Variants in ATXN3 observed in about 807,000 individuals in gnomAD.
ATXN3 encodes the protein ataxin 3, also known as ataxin-3.
In ATXN3, 28 loss-of-function variants were observed where a neutral mutation model predicts 58.2. That is an observed-to-expected ratio of 0.48 (90% CI 0.36 to 0.66). The LOEUF is 0.66. Ranked by LOEUF, ATXN3 falls within the 30% of genes least tolerant of loss-of-function variation. The pLI is 0.00. For synonymous variants in ATXN3, 113 were observed against 138.5 expected (o/e 0.82, Z 1.29); for missense variants, 321 against 422.1 (o/e 0.76, Z 2.10).
chr14:92,058,181 G>A (rs139388399), downstream of ATXN3: 4 of 152,296 alleles, frequency 2.6e-5, no homozygotes, highest in East Asian at 3.9e-4. Context: ...CACTGCAGCT[G>A]GTTAAGAACA....
rs1324176405 is a variant in ATXN3, at chr14:92,064,258, AT to A, written c.*61del. On this transcript the variant is annotated 3_prime_UTR_variant, in exon 11 of 11. Coordinates refer to ENST00000644486, the MANE Select transcript of ATXN3 (RefSeq NM_004993.6). ...TTGACACATTACCAAAGTGGACCCT[AT>A]GCTGTAATCACACAGGATAATGTTG... 2 of 1,225,914 alleles carry A rather than the reference AT, an allele frequency of 1.6e-6. No individual in the cohort carries two copies. The highest frequency in any genetic ancestry group is 2.4e-6 in the Non-Finnish European group (2 of 847,898). The allele number at this position is 1,225,914 out of a possible 1,614,324, so 75.9% of individuals were successfully genotyped here.
At chr14:92,088,669 T>C (rs2063111313) in intron 6 of ATXN3, 61 bp downstream of exon 6, 5 of 1,175,496 alleles carry the variant, frequency 4.3e-6, no homozygotes, top group Non-Finnish European at 6.3e-6. Flanking sequence ...TGTCATCTAA[T>C]GTGCCTGGTT....
intron 10 of ATXN3, among the ~76,000 whole-genome samples, chr14:92,064,843 T>C (rs1387988868): frequency 6.6e-6 from 1 of 152,198 alleles, no homozygotes; most frequent in Non-Finnish European, 1.5e-5. Flanking sequence ...AACTTTCTAT[T>C]TTGAAAAACT....
rs1317916426 is a variant in ATXN3, at chr14:92,063,328, G to C, written c.*992C>G. ...AAGAGAACACAAAGCTCCAGTCATA[G>C]GAGAAAAAATAAAATAAAACTGCTA... On this transcript the variant is annotated 3_prime_UTR_variant, in exon 11 of 11. Transcript: ENST00000644486. 1 of 152,198 alleles carries C rather than the reference G, an allele frequency of 6.6e-6. No homozygotes were observed. The allele number at this position is 152,198 out of a possible 1,614,324, so 9.4% of individuals were successfully genotyped here. A position where few individuals can be genotyped will look rare whatever the true frequency, so the allele number is the denominator to read the frequency against.
chr14:92,047,780 A>C (rs941954514), intron 2 of ATXN3: 7 of 152,206 alleles, frequency 4.6e-5, no homozygotes, highest in Admixed American at 4.6e-4. Flanking sequence ...TAAGGGGTTT[A>C]GAATCCTGGC....
chr14:92,077,960 T>C (rs1305152503), intron 9 of ATXN3, among the ~76,000 whole-genome samples: 1 of 151,170 alleles, frequency 6.6e-6, no homozygotes, highest in African/African-American at 2.4e-5. Flanking sequence ...TATGCTTTAA[T>C]TTCTATATTT....
chr14:92,049,699 A>C (rs2057441362), exon 1 of ATXN3: 1 of 162,368 alleles, frequency 6.2e-6, no homozygotes, highest in Non-Finnish European at 1.3e-5. Context: ...AGGACAGGGG[A>C]CCCGTCTCCT....
At chr14:92,090,946 C>CTT (rs34338098) in intron 5 of ATXN3, among the ~76,000 whole-genome samples, 29,135 of 116,432 alleles carry the variant, frequency 0.25, 4,407 homozygotes, top group African/African-American at 0.32. Context: ...TGTAAGCTGC[C>CTT]TTTTTTTTTT....
rs2062880019 is a variant in ATXN3, at chr14:92,087,639, A to G, written c.475+1091T>C. On this transcript the variant is annotated intron_variant, in intron 6 of 10. Coordinates refer to ENST00000644486, the MANE Select transcript of ATXN3 (RefSeq NM_004993.6). ...TATGATGGAGGGAGAGAGGGGAAAC[A>G]CGTTGAAGAATGCAATGGAGTGATT... 2.6e-5 allele frequency among the ~76,000 whole-genome samples: 4 copies of G among 152,222 alleles called. No individual in the cohort carries two copies. The South Asian group carries it at 8.3e-4, about 32-fold the overall frequency.
chr14:92,053,859 A>G (rs187961592), downstream of ATXN3, among the ~76,000 whole-genome samples: 5 of 152,092 alleles, frequency 3.3e-5, no homozygotes, highest in African/African-American at 9.6e-5. Flanking sequence ...TATTAGATCT[A>G]TGAGCTGACC....
intron 1 of ATXN3, among the ~76,000 whole-genome samples, chr14:92,101,713 C>G (rs1392781765): frequency 1.3e-5 from 2 of 151,896 alleles, no homozygotes; most frequent in Non-Finnish European, 2.9e-5. Flanking sequence ...TAAGAATTAG[C>G]CAGGTGTGGT....
chr14:92,080,507 C>T (rs930137403), intron 9 of ATXN3: 1 of 151,954 alleles, frequency 6.6e-6, no homozygotes, highest in Non-Finnish European at 1.5e-5. Flanking sequence ...ATGTTATTTG[C>T]CGTAAATTTT....
In ATXN3 at chr14:92,082,440, A is replaced by G. The variant is rs1488331704; in HGVS notation, c.635T>C (p.Val212Ala). 6.2e-7 allele frequency: 1 copy of G among 1,613,872 alleles called. No homozygotes were observed. Among genetic ancestry groups the G allele is most frequent in the Admixed American group, 1.7e-5 (1 of 59,962 alleles). ...TCCTGAGCCATCATTTGCTTCTAAC[A>G]CTCGTTCCAGGTCTGTTTTATGGAC... ...QRVHKTDLER[V>A]LEANDGSGML... Residue 212 changes from valine to alanine, a missense_variant, in exon 8 of 11, where the codon GTG (valine) becomes GCG (alanine). By Grantham distance (64) the Val-to-Ala change is moderately conservative. Coordinates refer to ENST00000644486, the MANE Select transcript of ATXN3 (RefSeq NM_004993.6).
chr14:92,096,947 A>G lies in ATXN3; in HGVS notation c.25-109T>C, dbSNP rs781356865. ...TTTTGAGACGGAGTCTCACTCTTTC[A>G]CCCAGGCCGGAGTGCAGTGGCGCTA... On this transcript the variant is annotated intron_variant, in intron 1 of 10. Transcript: ENST00000644486. 1.9e-5 allele frequency: 18 copies of G among 964,446 alleles called. No individual in the cohort carries two copies. The East Asian group carries it at 3.3e-4, about 18-fold the overall frequency. The allele number at this position is 964,446 out of a possible 1,614,324, so 59.7% of individuals were successfully genotyped here. A position where few individuals can be genotyped will look rare whatever the true frequency, so the allele number is the denominator to read the frequency against.
intron 1 of ATXN3, among the ~76,000 whole-genome samples, chr14:92,097,200 C>T (rs1346271380): frequency 2.0e-4 from 30 of 151,258 alleles, no homozygotes; most frequent in Admixed American, 1.4e-3. Context: ...TGAGCCACTG[C>T]GCCCGGCTCC....
intron 10 of ATXN3, among the ~76,000 whole-genome samples, chr14:92,066,983 T>G (rs572839514): frequency 6.6e-6 from 1 of 152,194 alleles, no homozygotes; most frequent in Admixed American, 6.5e-5. Context: ...TTGGCCAGGC[T>G]GGTCTCGAAC....
chr14:92,104,177 G>C (rs1381873245), intron 1 of ATXN3, among the ~76,000 whole-genome samples: 1 of 152,150 alleles, frequency 6.6e-6, no homozygotes, highest in Non-Finnish European at 1.5e-5. Context: ...GTCTCGCTCT[G>C]TTGCCCAGGC....
intron 2 of ATXN3, among the ~76,000 whole-genome samples, chr14:92,047,666 G>C (rs964875621): frequency 2.6e-5 from 4 of 152,132 alleles, no homozygotes; most frequent in African/African-American, 9.7e-5. Flanking sequence ...CAGATAATTT[G>C]GTTAAAATGT....
At chr14:92,080,086 T>C (rs56365709) in intron 9 of ATXN3, among the ~76,000 whole-genome samples, 3,504 of 152,066 alleles carry the variant, frequency 0.023, 139 homozygotes, top group African/African-American at 0.08. Flanking sequence ...GTCTGAATGA[T>C]AGTTACTTGA....
Sources: gnomAD v4.1 joint callset for allele counts (sites outside exome capture counted in the v4.1 genomes callset) on GRCh38, gnomAD v4.1.1 for gene constraint, MANE v1.5 for transcripts, NCBI Gene and HGNC (gene_info 2026-07-23, HGNC 2026-07-21) for gene names.